Variants in PHLPP1 observed in about 807,000 individuals in gnomAD.
The protein encoded by PHLPP1 is PH domain and leucine rich repeat protein phosphatase 1.
In PHLPP1, 42 loss-of-function variants were observed where a neutral mutation model predicts 117.2. The observed-to-expected ratio is 0.36, with a 90% CI of 0.28 to 0.46. PHLPP1 has a LOEUF of 0.46. PHLPP1 is among the 20% of genes least tolerant of loss of function. The probability of loss-of-function intolerance (pLI) is 1.00; values close to 1 mark genes in which losing one functional copy is unlikely to be tolerated. For missense variants in PHLPP1, 2,084 were observed against 2,241.9 expected (o/e 0.93, Z 1.42); for synonymous variants, 1,042 against 970.7 (o/e 1.07, Z -1.37).
chr18:62,942,495 G>GGTAGAC (rs1732694662), intron 11 of PHLPP1, among the ~76,000 whole-genome samples: 1 of 152,130 alleles, frequency 6.6e-6, no homozygotes, highest in Admixed American at 6.5e-5. Flanking sequence ...ACAGAGCAGT[G>GGTAGAC]GTAGACTCTA....
At chr18:62,957,934 C>T (rs188284210) in intron 12 of PHLPP1, among the ~76,000 whole-genome samples, 3 of 152,306 alleles carry the variant, frequency 2.0e-5, no homozygotes, top group Admixed American at 2.0e-4. Context: ...TCTCGAACTC[C>T]TGACCTCAGG....
Position 62,945,981 on chromosome 18 carries a change from G to C in PHLPP1, c.3324+710G>C, listed in dbSNP as rs527667722. Among the ~76,000 whole-genome samples, 3 of 152,286 alleles carry C rather than the reference G, an allele frequency of 2.0e-5. No individual in the cohort carries two copies. The East Asian group carries it at 5.8e-4, about 29-fold the overall frequency. On this transcript the variant is annotated intron_variant, in intron 12 of 16. Transcript: ENST00000262719. ...TGTAACAACCATGTGTTCCTATTTTGTTTCTTTTCTGGCAGGGAAATGGTA... is the reference window on the plus strand; with the variant it reads ...TGTAACAACCATGTGTTCCTATTTTCTTTCTTTTCTGGCAGGGAAATGGTA...
chr18:62,957,628 T>G (rs1910650904), intron 12 of PHLPP1, among the ~76,000 whole-genome samples: 1 of 152,168 alleles, frequency 6.6e-6, no homozygotes, highest in South Asian at 2.1e-4. Context: ...TCTGTTTTGT[T>G]TTGTTTTTTT....
At chr18:62,925,022 C>T (rs1327756808) in intron 10 of PHLPP1, among the ~76,000 whole-genome samples, 1 of 151,798 alleles carries the variant, frequency 6.6e-6, no homozygotes, top group Non-Finnish European at 1.5e-5. Flanking sequence ...GATCATGGGC[C>T]TAGATTTCTC....
At chr18:62,719,207 C>T (rs1206848810) in intron 1 of PHLPP1, among the ~76,000 whole-genome samples, 2 of 152,152 alleles carry the variant, frequency 1.3e-5, no homozygotes, top group Non-Finnish European at 1.5e-5. Context: ...AAAGTATCCA[C>T]CCTATTCTTG....
At chr18:62,755,405 G>A in intron 1 of PHLPP1, among the ~76,000 whole-genome samples, 1 of 152,180 alleles carries the variant, frequency 6.6e-6, no homozygotes, top group Non-Finnish European at 1.5e-5. Flanking sequence ...GTGCCGTGGT[G>A]TGAGTGTATG....
chr18:62,956,083 G>T (rs781001802), intron 12 of PHLPP1, among the ~76,000 whole-genome samples: 159 of 152,226 alleles, frequency 1.0e-3, no homozygotes, highest in Non-Finnish European at 1.1e-3. Flanking sequence ...CAATATTTAG[G>T]TTAAGTAAAT....
chr18:62,932,136 C>A, intron 10 of PHLPP1, among the ~76,000 whole-genome samples: 1 of 151,970 alleles, frequency 6.6e-6, no homozygotes, highest in African/African-American at 2.4e-5. Flanking sequence ...AAAAATCTAC[C>A]AATGGAAAAG....
chr18:62,764,131 C>G (rs910797794), intron 1 of PHLPP1, among the ~76,000 whole-genome samples: 2 of 136,748 alleles, frequency 1.5e-5, no homozygotes, highest in Non-Finnish European at 3.1e-5. Context: ...CCATTGCTCT[C>G]TAGCCTGAGC....
Position 62,905,247 on chromosome 18 carries a change from C to T in PHLPP1, c.2671C>T (p.Pro891Ser). Residue 891 changes from proline (P) to serine (S), a missense_variant, in exon 8 of 17, where the codon CCA becomes TCA. Pro to Ser is a moderately conservative substitution (Grantham distance 74). Around this residue, in one of 2 missense-constraint regions of PHLPP1, gnomAD observed 1,365 missense variants for 1,605.9 expected, o/e 0.85. Transcript: ENST00000262719. ...SNELVQLDVY[P>S]VPNYLSYMDV... ...AGAACTTGTTCAACTTGATGTTTACCCAGTTCCAAATTATCTGTCCTACAT... is the reference window on the plus strand; with the variant it reads ...AGAACTTGTTCAACTTGATGTTTACTCAGTTCCAAATTATCTGTCCTACAT... 6.5e-7 allele frequency: 1 copy of T among 1,548,066 alleles called. No homozygotes were observed. Among genetic ancestry groups the T allele is most frequent in the Non-Finnish European group, 8.7e-7 (1 of 1,148,452 alleles).
At position 62,958,725 on chromosome 18, in the gene PHLPP1, C is replaced by T. The variant is rs747665067; in HGVS notation, c.3421C>T (p.Leu1141Phe). 1.1e-5 allele frequency: 17 copies of T among 1,613,890 alleles called. No individual in the cohort carries two copies. Among genetic ancestry groups the T allele is most frequent in the Non-Finnish European group, 2.5e-6 (3 of 1,179,882 alleles). The change falls in exon 13 of 17, where the codon CTT becomes TTT. Residue 1141 changes from leucine to phenylalanine, a missense_variant. Physicochemically the swap from Leu to Phe is conservative, Grantham distance 22. Transcript: ENST00000262719. ...GCTAGACCTGACTGGAAACCCGCGCCTTGTCCTTGATCACAAAACCCTGGA... is the reference window on the plus strand; with the variant it reads ...GCTAGACCTGACTGGAAACCCGCGCTTTGTCCTTGATCACAAAACCCTGGA... The part of the protein sequence containing the change: ...QELDLTGNPR[L>F]VLDHKTLELL...
intron 2 of PHLPP1, among the ~76,000 whole-genome samples, chr18:62,833,547 G>A (rs73967014): frequency 6.7e-4 from 102 of 152,188 alleles, no homozygotes; most frequent in African/African-American, 2.3e-3. Context: ...AGGATTCACT[G>A]TCCTAGAATG....
At chr18:62,864,013 A>G (rs1320872567) in intron 4 of PHLPP1, among the ~76,000 whole-genome samples, 4 of 150,168 alleles carry the variant, frequency 2.7e-5, no homozygotes, top group African/African-American at 9.8e-5. Context: ...TTATTTGTTT[A>G]TTTATTTTAA....
At chr18:62,974,085 T>G (rs1466904649) in intron 15 of PHLPP1, among the ~76,000 whole-genome samples, 1 of 152,202 alleles carries the variant, frequency 6.6e-6, no homozygotes, top group Non-Finnish European at 1.5e-5. Context: ...CCAAAAGGTC[T>G]GCTTTTTATG....
At chr18:62,843,000 T>C (rs1915091771) in intron 3 of PHLPP1, 1 of 152,226 alleles carries the variant, frequency 6.6e-6, no homozygotes, top group South Asian at 2.1e-4. Context: ...GAATTTGACA[T>C]GGATAAGGAT....
chr18:62,929,604 T>C (rs1909747253), intron 10 of PHLPP1, among the ~76,000 whole-genome samples: 1 of 151,686 alleles, frequency 6.6e-6, no homozygotes, highest in African/African-American at 2.4e-5. Flanking sequence ...GACTGAAAGG[T>C]GGGAAAGAGG....
chr18:62,888,286 A>AATGT, intron 4 of PHLPP1, among the ~76,000 whole-genome samples: 1 of 122,452 alleles, frequency 8.2e-6, no homozygotes, highest in South Asian at 2.8e-4. Context: ...TATTTCACAA[A>AATGT]ATGTGTGTGT....
At position 62,979,243 on chromosome 18, in the gene PHLPP1, G is replaced by A; in HGVS notation, c.4966G>A (p.Ala1656Thr). The change falls in exon 17 of 17, where the codon GCT becomes ACT. Residue 1656 changes from alanine to threonine, a missense_variant. Physicochemically the swap from Ala to Thr is moderately conservative, Grantham distance 58. This residue lies in a region of PHLPP1 where 1,365 missense variants were observed against 1,605.9 expected (regional missense o/e 0.85). Coordinates refer to ENST00000262719, the MANE Select transcript of PHLPP1 (RefSeq NM_194449.4). ...RKPGGYFAAP[A>T]QPDPDDQFII... ...GCCTGGAGGCTATTTTGCTGCCCCG[G>A]CTCAGCCGGATCCTGATGATCAGTT... 1 of 1,593,480 alleles carries A rather than the reference G, an allele frequency of 6.3e-7. No individual in the cohort carries two copies. The highest frequency in any genetic ancestry group is 8.5e-7 in the Non-Finnish European group (1 of 1,169,606).
rs1338634679 is a variant in PHLPP1 at position 62,978,378 on chromosome 18, G to A, written c.4101G>A (p.Glu1367=). ...CCGTGCTCCTGACTCCCCAGGATGA[G>A]TTCTTCATCCTAGGCAGTAAGGGGT... ...VQSVLLTPQD[E]FFILGSKGLW... is the part of the protein sequence containing the mutation. Residue 1367 remains glutamate, a synonymous_variant, in exon 17 of 17, where the codon GAG becomes GAA. Coordinates refer to ENST00000262719, the MANE Select transcript of PHLPP1 (RefSeq NM_194449.4). This position sits in a 1 kb window ranked among gnomAD's most constrained non-coding sequence, Gnocchi z 7.0. 1 of 1,610,642 alleles carries A rather than the reference G, an allele frequency of 6.2e-7. No homozygotes were observed. Among genetic ancestry groups the A allele is most frequent in the African/African-American group, 1.3e-5 (1 of 74,864 alleles).
Sources: gnomAD v4.1 joint callset for allele counts (sites outside exome capture counted in the v4.1 genomes callset) on GRCh38, gnomAD v4.1.1 for gene constraint, gnomAD v4.1.1 regional missense constraint, Gnocchi (gnomAD v3.1) non-coding constraint, MANE v1.5 for transcripts, NCBI Gene and HGNC (gene_info 2026-07-23, HGNC 2026-07-21) for gene names.